The following PCDHGA5 variants were observed in gnomAD, a reference collection of about 807,000 sequenced individuals.
The protein encoded by PCDHGA5 is protocadherin gamma-A5.
PCDHGA5 carries 36 observed loss-of-function variants against 56.7 expected under a neutral mutation model. The observed-to-expected ratio is 0.64, with a 90% CI of 0.49 to 0.84. The LOEUF is 0.84. Among genes scored for constraint, PCDHGA5 ranks in the 40% least tolerant of loss-of-function variants. The pLI is 0.00. For missense variants in PCDHGA5, 1,305 were observed against 1,201.5 expected, an observed-to-expected ratio of 1.09 and a Z score of -1.27; for synonymous variants, 563 against 520.2, an observed-to-expected ratio of 1.08 and a Z score of -1.12.
rs534356534 is a variant in PCDHGA5 at position 141,432,344 on chromosome 5, C to G, written c.2422-62463C>G. ...CGACTACGAGCAGTTCCGAGACTTG[C>G]AAGTGAAAGTGATGGCGCGGGACAA... is the stretch of plus-strand genomic sequence containing the variant. On this transcript the variant is annotated intron_variant, in intron 1 of 3. Coordinates refer to ENST00000518069, the MANE Select transcript of PCDHGA5 (RefSeq NM_018918.3). This position sits in a 1 kb window ranked among gnomAD's most constrained non-coding sequence, Gnocchi z 6.0. 1.9e-5 allele frequency: 30 copies of G among 1,614,238 alleles called. No individual in the cohort carries two copies. In the East Asian group the frequency reaches 2.5e-4, roughly 13 times the overall value.
At chr5:141,478,483 G>A in intron 1 of PCDHGA5, 13 of 1,613,548 alleles carry the variant, frequency 8.1e-6, no homozygotes, top group Non-Finnish European at 1.1e-5. Flanking sequence ...AGAACACGCT[G>A]CGGAGCTGTG....
At chr5:141,392,973 C>A (rs1405082783) in intron 1 of PCDHGA5, 1 of 1,613,888 alleles carries the variant, frequency 6.2e-7, no homozygotes, top group South Asian at 1.1e-5. Flanking sequence ...GGACCTGGGG[C>A]TGGACCCCCG....
intron 1 of PCDHGA5, chr5:141,415,006 C>A (rs1353721901): frequency 6.2e-7 from 1 of 1,613,652 alleles, no homozygotes; most frequent in Non-Finnish European, 8.5e-7. Context: ...GCTGTCCTAC[C>A]GTCTGCTCAA....
rs377387694 is a variant in PCDHGA5, at chr5:141,366,375, T to A, written c.2045T>A (p.Ile682Asn). 19 of 1,614,096 alleles carry A rather than the reference T, an allele frequency of 1.2e-5. No homozygotes were observed. The highest frequency in any genetic ancestry group is 1.6e-5 in the Non-Finnish European group (19 of 1,180,036). Residue 682 changes from isoleucine (I) to asparagine (N), a missense_variant, in exon 1 of 4, where the codon ATT (isoleucine) becomes AAT (asparagine). Coordinates refer to ENST00000518069, the MANE Select transcript of PCDHGA5 (RefSeq NM_018918.3). Reference sequence around the variant, plus strand: ...GACCTAGGCAGTATCAAGACCCCCATTGACCCTGAGGATCTGGACCTCACA... The same window carrying A: ...GACCTAGGCAGTATCAAGACCCCCAATGACCCTGAGGATCTGGACCTCACA... ...LADLGSIKTP[I>N]DPEDLDLTLY... is the part of the protein sequence containing the mutation.
intron 1 of PCDHGA5, chr5:141,384,591 C>T (rs1780246263): frequency 6.2e-7 from 1 of 1,614,114 alleles, no homozygotes; most frequent in South Asian, 1.1e-5. Flanking sequence ...AGATCCTGTA[C>T]CCGGCCCTCC....
rs376721940 is a variant in PCDHGA5, at chr5:141,410,147, G to A, written c.2421+43396G>A. 18 of 1,612,952 alleles carry A rather than the reference G, an allele frequency of 1.1e-5. No homozygotes were observed. The East Asian group carries it at 3.6e-4, about 32-fold the overall frequency. ...GCGCCTGCTGGTCGCTGTGCGTGAC[G>A]GTGGACAGCCGCCACTCTCTGCCAC... On this transcript the variant is annotated intron_variant, in intron 1 of 3. Transcript: ENST00000518069.
Position 141,364,168 on chromosome 5 carries a change from ACTCTGCTCCCT to A in PCDHGA5, c.-161_-151del. Reference sequence around the variant, plus strand: ...AAGAAGCTGCCGCAGAGGCGACCCGACTCTGCTCCCTCCATACTAAACACACAGACCAGACA... The same window carrying A: ...AAGAAGCTGCCGCAGAGGCGACCCGACCATACTAAACACACAGACCAGACA... On this transcript the variant is annotated 5_prime_UTR_variant, in exon 1 of 4. Coordinates refer to ENST00000518069, the MANE Select transcript of PCDHGA5 (RefSeq NM_018918.3). The A allele has an allele frequency of 1.3e-6, 1 of 748,396 alleles. No individual in the cohort carries two copies. Among genetic ancestry groups the A allele is most frequent in the Non-Finnish European group, 2.0e-6 (1 of 512,176 alleles). The allele number at this position is 748,396 out of a possible 1,614,324, so 46.4% of individuals were successfully genotyped here. A position where few individuals can be genotyped will look rare whatever the true frequency, so the allele number is the denominator to read the frequency against.
chr5:141,430,493 C>G (rs1232369484), intron 1 of PCDHGA5: 1 of 285,344 alleles, frequency 3.5e-6, no homozygotes, highest in African/African-American at 2.2e-5. Flanking sequence ...ACGAAATATC[C>G]TTTCTGGGAG....
At position 141,494,880 on chromosome 5, in the gene PCDHGA5, C is replaced by G. The variant is rs950094823; in HGVS notation, c.2480+15C>G. On this transcript the variant is annotated intron_variant, in intron 2 of 3. Transcript: ENST00000518069. ...GGCACCAGCGGGTAGGTGACTGATT[C>G]TCCAGCCCACCCTCTTCTCTGCGGC... The G allele has an allele frequency of 3.7e-6, 6 of 1,614,040 alleles. No individual in the cohort carries two copies. The African/African-American group carries it at 6.7e-5, about 18-fold the overall frequency.
At chr5:141,383,534 T>C in intron 1 of PCDHGA5, 6 of 1,612,436 alleles carry the variant, frequency 3.7e-6, no homozygotes, top group Non-Finnish European at 5.1e-6. Context: ...CACCTGGTCC[T>C]CACAGCCTCT....
In PCDHGA5 at chr5:141,487,476, A is replaced by G; in HGVS notation, c.2422-7331A>G. Reference sequence around the variant, plus strand: ...ATCAAGTTTGTTGATGTGGGAGGCCACTCTCATGGCTGTACACCCTTGGCT... The same window carrying G: ...ATCAAGTTTGTTGATGTGGGAGGCCGCTCTCATGGCTGTACACCCTTGGCT... On this transcript the variant is annotated intron_variant, in intron 1 of 3. Transcript: ENST00000518069. The surrounding 1 kb of genome is among the most constrained non-coding windows in gnomAD (Gnocchi z 5.0). The G allele has an allele frequency of 6.2e-7, 1 of 1,614,004 alleles. No homozygotes were observed. Among genetic ancestry groups the G allele is most frequent in the Non-Finnish European group, 8.5e-7 (1 of 1,180,002 alleles).
At chr5:141,384,448 C>A (rs1780101973) in intron 1 of PCDHGA5, 2 of 1,614,070 alleles carry the variant, frequency 1.2e-6, no homozygotes, top group Non-Finnish European at 1.7e-6. Flanking sequence ...CCTGTACGCG[C>A]TGCAATCCTT....
intron 1 of PCDHGA5, chr5:141,371,293 A>T (rs748951789): frequency 1.2e-6 from 2 of 1,614,006 alleles, no homozygotes; most frequent in Non-Finnish European, 1.7e-6. Context: ...AAAACGGGGG[A>T]ACTCACCACT....
At chr5:141,375,593 T>A (rs922478028) in intron 1 of PCDHGA5, 5 of 1,614,142 alleles carry the variant, frequency 3.1e-6, no homozygotes, top group Non-Finnish European at 4.2e-6. Context: ...CCTGTCCTCC[T>A]ACGTGTCCAT....
chr5:141,384,763 T>C, intron 1 of PCDHGA5: 1 of 1,613,952 alleles, frequency 6.2e-7, no homozygotes. Context: ...GGTTGGGCTG[T>C]ACACGGGCGA....
chr5:141,500,394 A>G (rs1024641290), intron 2 of PCDHGA5, among the ~76,000 whole-genome samples: 1 of 151,922 alleles, frequency 6.6e-6, no homozygotes, highest in Non-Finnish European at 1.5e-5. Flanking sequence ...TATTTTTAGT[A>G]GAGACGGGGT....
rs995968509 is a variant in PCDHGA5, at chr5:141,477,065, C to T, written c.2422-17742C>T. ...TCGGCTGGACTTCGAGGACACCAAA[C>T]TCCATGAGATTTACATCCAGGCCAA... On this transcript the variant is annotated intron_variant, in intron 1 of 3. Coordinates refer to ENST00000518069, the MANE Select transcript of PCDHGA5 (RefSeq NM_018918.3). The surrounding 1 kb of genome is among the most constrained non-coding windows in gnomAD (Gnocchi z 4.9). 15 of 1,614,144 alleles carry T rather than the reference C, an allele frequency of 9.3e-6. No homozygotes were observed. The highest frequency in any genetic ancestry group is 3.3e-5 in the Admixed American group (2 of 60,018).
chr5:141,410,185 T>A lies in PCDHGA5; in HGVS notation c.2421+43434T>A, dbSNP rs373680185. 10 of 1,613,812 alleles carry A rather than the reference T, an allele frequency of 6.2e-6. No individual in the cohort carries two copies. The African/African-American group carries it at 1.3e-4, about 22-fold the overall frequency. On this transcript the variant is annotated intron_variant, in intron 1 of 3. Transcript: ENST00000518069. ...CACTCTCTGCCACCGCCACGCTTCA[T>A]CTGGTCTTCGCAGACAACTTGCAAG...
chr5:141,462,998 C>A (rs562002585), intron 1 of PCDHGA5, among the ~76,000 whole-genome samples: 3 of 152,190 alleles, frequency 2.0e-5, no homozygotes, highest in Admixed American at 2.0e-4. Context: ...CTAATTTAGA[C>A]CTACCACTTA....
Sources: allele counts gnomAD v4.1 joint callset (sites outside exome capture counted in the v4.1 genomes callset), GRCh38; gene constraint gnomAD v4.1.1; non-coding constraint Gnocchi (gnomAD v3.1); transcripts MANE v1.5; gene names NCBI Gene and HGNC (gene_info 2026-07-23, HGNC 2026-07-21).